C8orf34: variants seen among roughly 807,000 people sequenced by gnomAD.
C8orf34 encodes the protein chromosome 8 open reading frame 34, also known as uncharacterized protein C8orf34.
C8orf34 carries 65 observed loss-of-function variants against 68.3 expected under a neutral mutation model. The ratio of observed to expected loss-of-function variants is 0.95; its 90% confidence interval spans 0.78 to 1.17. C8orf34 has a LOEUF of 1.17. Among genes scored for constraint, C8orf34 ranks in the 50% most tolerant of loss-of-function variants. The pLI is 0.00. For missense variants in C8orf34, 664 were observed against 655.4 expected, an observed-to-expected ratio of 1.01 and a Z score of -0.14; for synonymous variants, 244 against 241.2, an observed-to-expected ratio of 1.01 and a Z score of -0.11.
intron 8 of C8orf34, among the ~76,000 whole-genome samples, chr8:68,703,042 C>T (rs1821065216): frequency 6.6e-6 from 1 of 152,150 alleles, no homozygotes; most frequent in Non-Finnish European, 1.5e-5. Flanking sequence ...CTATCGCAAC[C>T]AATCCCCTTA....
At chr8:68,562,632 TTTG>T (rs748014214) in intron 7 of C8orf34, among the ~76,000 whole-genome samples, 6 of 152,038 alleles carry the variant, frequency 3.9e-5, no homozygotes, top group South Asian at 2.1e-4. Flanking sequence ...TGTAAGCAAT[TTTG>T]TTGTTGTTGT....
In C8orf34 at chr8:68,411,353, A is replaced by C. The variant is rs553062168; in HGVS notation, c.328-28146A>C. The stretch of plus-strand genomic sequence containing the variant: ...AATATAAGCATATATAATATATTTC[A>C]TATGTAAAACTAGTCATGAAAACAA... On this transcript the variant is annotated intron_variant, in intron 1 of 13. Transcript: ENST00000518698. 4.3e-4 allele frequency among the ~76,000 whole-genome samples: 65 copies of C among 152,318 alleles called. 2 individuals are homozygous for C. The highest frequency in any genetic ancestry group is 1.5e-3 in the South Asian group (7 of 4,826).
chr8:68,418,621 A>G (rs1295842998), intron 1 of C8orf34, among the ~76,000 whole-genome samples: 18 of 152,192 alleles, frequency 1.2e-4, no homozygotes. Flanking sequence ...TGGTACTGGT[A>G]CCAAAACAGA....
chr8:68,481,779 C>A (rs919784175), intron 4 of C8orf34, among the ~76,000 whole-genome samples: 5 of 152,170 alleles, frequency 3.3e-5, no homozygotes, highest in Admixed American at 6.5e-5. Flanking sequence ...ACCTATACCC[C>A]AATACCTGTA....
At chr8:68,481,619 G>A (rs1812863396) in intron 4 of C8orf34, among the ~76,000 whole-genome samples, 2 of 152,210 alleles carry the variant, frequency 1.3e-5, no homozygotes. Context: ...TCTTACATCA[G>A]CGTGAACTGG....
chr8:68,519,726 C>T (rs1449944880), intron 5 of C8orf34, among the ~76,000 whole-genome samples: 1 of 151,716 alleles, frequency 6.6e-6, no homozygotes. Context: ...GGTCTTTCAC[C>T]TGGGGGTGGG....
intron 7 of C8orf34, among the ~76,000 whole-genome samples, chr8:68,583,495 T>C (rs1427862210): frequency 6.6e-6 from 1 of 152,162 alleles, no homozygotes; most frequent in East Asian, 1.9e-4. Context: ...CTATTCACTC[T>C]ATGGTGCTAA....
At chr8:68,419,521 T>A (rs1232111162) in intron 1 of C8orf34, among the ~76,000 whole-genome samples, 1 of 152,000 alleles carries the variant, frequency 6.6e-6, no homozygotes, top group Non-Finnish European at 1.5e-5. Flanking sequence ...ATAAAGACAC[T>A]TGCACACATA....
intron 8 of C8orf34, among the ~76,000 whole-genome samples, chr8:68,664,574 G>A (rs1819780381): frequency 6.6e-6 from 1 of 152,180 alleles, no homozygotes; most frequent in Admixed American, 6.5e-5. Flanking sequence ...TTGTCAAACT[G>A]TAGGTTAATG....
chr8:68,691,744 G>T (rs183572021), intron 8 of C8orf34, among the ~76,000 whole-genome samples: 1 of 152,090 alleles, frequency 6.6e-6, no homozygotes, highest in Admixed American at 6.6e-5. Flanking sequence ...CTTATCAAAA[G>T]AATATTTACT....
chr8:68,626,809 G>T (rs1184424783), intron 7 of C8orf34, among the ~76,000 whole-genome samples: 1 of 152,084 alleles, frequency 6.6e-6, no homozygotes, highest in Non-Finnish European at 1.5e-5. Context: ...AAATATGTTT[G>T]ATGTATCATT....
chr8:68,815,029 G>T (rs1824768584), intron 12 of C8orf34, among the ~76,000 whole-genome samples: 1 of 152,160 alleles, frequency 6.6e-6, no homozygotes, highest in Non-Finnish European at 1.5e-5. Context: ...CCATTTGTTT[G>T]TGAATCATCT....
chr8:68,771,068 T>G (rs1823322089), intron 10 of C8orf34, among the ~76,000 whole-genome samples: 1 of 152,184 alleles, frequency 6.6e-6, no homozygotes, highest in Admixed American at 6.5e-5. Flanking sequence ...TCAAAAATAC[T>G]GTAAACAATA....
chr8:68,513,175 T>A (rs748280779), intron 5 of C8orf34, among the ~76,000 whole-genome samples: 1 of 152,260 alleles, frequency 6.6e-6, no homozygotes, highest in Non-Finnish European at 1.5e-5. Flanking sequence ...TTTTTATTTC[T>A]GAAAGATTAA....
intron 8 of C8orf34, among the ~76,000 whole-genome samples, chr8:68,663,331 A>C (rs1459516553): frequency 6.6e-6 from 1 of 152,230 alleles, no homozygotes; most frequent in Non-Finnish European, 1.5e-5. Flanking sequence ...CAGAAGATAC[A>C]CATGTTATTA....
chr8:68,337,489 C>T (rs907497786), intron 1 of C8orf34, among the ~76,000 whole-genome samples: 3 of 152,000 alleles, frequency 2.0e-5, no homozygotes, highest in Admixed American at 2.0e-4. Context: ...CAACTAAGTG[C>T]AAAATATGGT....
chr8:68,508,908 A>T (rs1023490530), intron 5 of C8orf34, among the ~76,000 whole-genome samples: 15 of 152,138 alleles, frequency 9.9e-5, no homozygotes, highest in African/African-American at 3.6e-4. Flanking sequence ...GCTAGGCCAG[A>T]GTCCCTGCTA....
intron 8 of C8orf34, among the ~76,000 whole-genome samples, chr8:68,695,464 A>G (rs180943362): frequency 2.6e-5 from 4 of 152,238 alleles, no homozygotes; most frequent in South Asian, 4.1e-4. Context: ...ATTCCTTTTT[A>G]TAAGTACATC....
At chr8:68,505,587 C>T (rs1216362253) in intron 5 of C8orf34, among the ~76,000 whole-genome samples, 1 of 132,972 alleles carries the variant, frequency 7.5e-6, no homozygotes, top group Non-Finnish European at 1.5e-5. Context: ...AAAAATTAGC[C>T]GGGCGCGGTG....
Sources: allele counts gnomAD v4.1 joint callset (sites outside exome capture counted in the v4.1 genomes callset), GRCh38; gene constraint gnomAD v4.1.1; transcripts MANE v1.5; gene names NCBI Gene and HGNC (gene_info 2026-07-23, HGNC 2026-07-21).